Variants in CARNMT1 observed in about 807,000 individuals in gnomAD.
The protein encoded by CARNMT1 is protein-L-histidine N-pros-methyltransferase CARNMT1.
A neutral mutation model predicts 49.6 loss-of-function variants in CARNMT1; 28 were observed. The observed-to-expected ratio is 0.56, with a 90% CI of 0.42 to 0.77. The LOEUF is 0.77. Ranked by LOEUF, CARNMT1 falls within the 30% of genes least tolerant of loss-of-function variation. The pLI is 0.00. For synonymous variants in CARNMT1, 178 were observed against 175.0 expected, an observed-to-expected ratio of 1.02 and a Z score of -0.13; for missense variants, 421 against 512.6, an observed-to-expected ratio of 0.82 and a Z score of 1.73.
intron 1 of CARNMT1, 115 bp downstream of exon 1, chr9:75,027,897 T>A: frequency 8.5e-7 from 1 of 1,180,908 alleles, no homozygotes; most frequent in Non-Finnish European, 1.1e-6. Context: ...AGCAGCCGGG[T>A]CCCGACGCCT....
At chr9:75,027,988 C>G (rs772736591) in intron 1 of CARNMT1, 24 bp downstream of exon 1, 4 of 1,548,598 alleles carry the variant, frequency 2.6e-6, no homozygotes, top group Non-Finnish European at 3.5e-6. Flanking sequence ...CGGTCTGGGC[C>G]GGGGTCCGCC....
chr9:75,028,342 T>G (rs1822594782), upstream of CARNMT1: 3 of 1,307,142 alleles, frequency 2.3e-6, no homozygotes, highest in East Asian at 3.2e-5. Context: ...GCCGCGGACA[T>G]GCCCCCAGCT....
At chr9:74,992,715 G>A (rs2769069) in intron 6 of CARNMT1, among the ~76,000 whole-genome samples, 6,749 of 152,212 alleles carry the variant, frequency 0.044, 214 homozygotes, top group South Asian at 0.069. Context: ...CTTAATTAAA[G>A]CATTTGTAAA....
At chr9:75,024,108 G>C (rs1392897708) in intron 1 of CARNMT1, among the ~76,000 whole-genome samples, 1 of 152,156 alleles carries the variant, frequency 6.6e-6, no homozygotes, top group Non-Finnish European at 1.5e-5. Context: ...CCCACACCAG[G>C]TCTGATCTAA....
At chr9:74,998,142 T>TA (rs1426929027) in intron 5 of CARNMT1, among the ~76,000 whole-genome samples, 1 of 152,126 alleles carries the variant, frequency 6.6e-6, no homozygotes, top group Admixed American at 6.6e-5. Flanking sequence ...TAGCTCCTAT[T>TA]AAATCTCATT....
chr9:74,990,154 G>T (rs529409748), intron 6 of CARNMT1, among the ~76,000 whole-genome samples: 1 of 152,258 alleles, frequency 6.6e-6, no homozygotes, highest in Non-Finnish European at 1.5e-5. Context: ...GCAAAGCTGA[G>T]AATTTTTCAC....
At chr9:75,006,502 CAAGT>C (rs1833515789) in intron 3 of CARNMT1, among the ~76,000 whole-genome samples, 2 of 152,050 alleles carry the variant, frequency 1.3e-5, no homozygotes, top group African/African-American at 4.8e-5. Flanking sequence ...CAATCTAAAT[CAAGT>C]AAGTAAAACA....
intron 6 of CARNMT1, chr9:74,991,091 A>C (rs1832995845): frequency 6.6e-6 from 1 of 152,204 alleles, no homozygotes. Context: ...CACTCCAAGA[A>C]ATGTGACTTG....
chr9:75,000,862 T>C (rs1587666255), intron 3 of CARNMT1, among the ~76,000 whole-genome samples: 2 of 152,238 alleles, frequency 1.3e-5, no homozygotes, highest in South Asian at 2.1e-4. Context: ...CATATAACCT[T>C]TGCATGTCCC....
chr9:75,022,154 AT>A (rs1822384860), intron 1 of CARNMT1, among the ~76,000 whole-genome samples: 1 of 150,438 alleles, frequency 6.6e-6, no homozygotes, highest in Non-Finnish European at 1.5e-5. Context: ...TCTGTCTATA[AT>A]TTAGGAAAAA....
chr9:75,027,479 G>A, intron 1 of CARNMT1: 1 of 985,374 alleles, frequency 1.0e-6, no homozygotes, highest in Non-Finnish European at 1.2e-6. Context: ...TCACACAAAA[G>A]TGCAAGTGCG....
intron 1 of CARNMT1, among the ~76,000 whole-genome samples, chr9:75,026,077 T>C (rs747203662): frequency 6.6e-6 from 1 of 152,240 alleles, no homozygotes; most frequent in African/African-American, 2.4e-5. Flanking sequence ...AAAAAGCATA[T>C]TTTTGATGTT....
At chr9:75,005,769 G>A (rs905434353) in intron 3 of CARNMT1, among the ~76,000 whole-genome samples, 3 of 149,944 alleles carry the variant, frequency 2.0e-5, no homozygotes, top group Non-Finnish European at 4.4e-5. Flanking sequence ...CACCGAGCCC[G>A]GCAAGTATAT....
At chr9:75,023,464 G>A (rs531602108) in intron 1 of CARNMT1, among the ~76,000 whole-genome samples, 8 of 152,286 alleles carry the variant, frequency 5.3e-5, no homozygotes, top group African/African-American at 1.9e-4. Flanking sequence ...GTTATAGATT[G>A]GTTACAAGAG....
At chr9:75,023,536 T>G (rs1272725902) in intron 1 of CARNMT1, among the ~76,000 whole-genome samples, 1 of 152,216 alleles carries the variant, frequency 6.6e-6, no homozygotes, top group Non-Finnish European at 1.5e-5. Context: ...AACCCCTGGT[T>G]ACTTAATGGT....
At chr9:74,991,866 G>A (rs1833029133) in intron 6 of CARNMT1, among the ~76,000 whole-genome samples, 1 of 152,062 alleles carries the variant, frequency 6.6e-6, no homozygotes, top group Non-Finnish European at 1.5e-5. Context: ...CCAGTAACAT[G>A]CCTGCCATTC....
intron 3 of CARNMT1, among the ~76,000 whole-genome samples, chr9:75,011,350 A>G (rs1833685083): frequency 6.6e-6 from 1 of 152,092 alleles, no homozygotes; most frequent in South Asian, 2.1e-4. Flanking sequence ...AAAGGTGATG[A>G]GATGTCCCTC....
chr9:75,009,742 G>T (rs1833628332), intron 3 of CARNMT1: 1 of 151,952 alleles, frequency 6.6e-6, no homozygotes. Context: ...TTTTTTTCTG[G>T]TCATTAATAT....
intron 3 of CARNMT1, chr9:75,015,772 T>A (rs1204814102): frequency 6.8e-6 from 1 of 147,002 alleles, no homozygotes; most frequent in Non-Finnish European, 1.5e-5. Context: ...GTCAAGAGAG[T>A]GAGACTGTCT....
Sources: allele counts gnomAD v4.1 joint callset (sites outside exome capture counted in the v4.1 genomes callset), GRCh38; gene constraint gnomAD v4.1.1; transcripts MANE v1.5; gene names NCBI Gene and HGNC (gene_info 2026-07-23, HGNC 2026-07-21).